The following GPHN variants were observed in gnomAD, a reference collection of about 807,000 sequenced individuals.
GPHN encodes gephyrin.
GPHN carries 17 observed loss-of-function variants against 95.5 expected under a neutral mutation model. The observed-to-expected ratio is 0.18, with a 90% CI of 0.12 to 0.27. The LOEUF is 0.27. Ranked by LOEUF, GPHN falls within the 10% of genes least tolerant of loss-of-function variation. GPHN has a pLI of 1.00. For missense variants in GPHN, 660 were observed against 978.1 expected, an observed-to-expected ratio of 0.67 and a Z score of 4.34; for synonymous variants, 320 against 322.5, an observed-to-expected ratio of 0.99 and a Z score of 0.08.
At chr14:66,706,189 A>C (rs1363613519) in intron 2 of GPHN, among the ~76,000 whole-genome samples, 1 of 152,082 alleles carries the variant, frequency 6.6e-6, no homozygotes, top group Non-Finnish European at 1.5e-5. Flanking sequence ...AAAACATTCC[A>C]TGCTCATGGA....
At chr14:67,102,605 A>C (rs2077774097) in intron 13 of GPHN, among the ~76,000 whole-genome samples, 1 of 152,140 alleles carries the variant, frequency 6.6e-6, no homozygotes, top group Non-Finnish European at 1.5e-5. Context: ...GGTTGCAGTG[A>C]GCCGAAATCT....
intron 2 of GPHN, among the ~76,000 whole-genome samples, chr14:66,707,381 C>T (rs1307450642): frequency 6.6e-6 from 1 of 152,170 alleles, no homozygotes; most frequent in Admixed American, 6.5e-5. Flanking sequence ...TATTGCAGCA[C>T]TCTTGACAAT....
At chr14:67,391,825 A>G in the GPHN span, among the ~76,000 whole-genome samples, 1 of 152,320 alleles carries the variant, frequency 6.6e-6, no homozygotes, top group East Asian at 1.9e-4. Flanking sequence ...GGCCATGGCC[A>G]GGCTTTGAAT....
chr14:66,737,942 G>T (rs749298714), intron 2 of GPHN, among the ~76,000 whole-genome samples: 2 of 152,192 alleles, frequency 1.3e-5, no homozygotes, highest in Non-Finnish European at 2.9e-5. Context: ...ACTCAAGTTA[G>T]AGCAAGTTAC....
At chr14:67,387,225 C>G in the GPHN span, 1 of 1,144,758 alleles carries the variant, frequency 8.7e-7, no homozygotes, top group Non-Finnish European at 1.2e-6. Flanking sequence ...CAAAGCAGTA[C>G]AAAACTTACA....
intron 3 of GPHN, among the ~76,000 whole-genome samples, chr14:66,806,281 T>G (rs2060538673): frequency 6.6e-6 from 1 of 152,146 alleles, no homozygotes; most frequent in Non-Finnish European, 1.5e-5. Context: ...TCCCGGCCCA[T>G]AAAACCACTT....
the GPHN span, chr14:67,575,373 G>A: frequency 2.0e-6 from 3 of 1,532,044 alleles, no homozygotes; most frequent in Non-Finnish European, 1.8e-6. Context: ...CATAATGCCA[G>A]TTCATTTCTG....
At position 67,128,260 on chromosome 14, in the gene GPHN, C is replaced by CT. The variant is rs763164125; in HGVS notation, c.1748+5897dup. Among the ~76,000 whole-genome samples, 1,128 of 144,628 alleles carry CT rather than the reference C, an allele frequency of 7.8e-3. 11 individuals are homozygous for CT. The highest frequency in any genetic ancestry group is 0.022 in the African/African-American group (862 of 39,736). 94.9% of individuals were successfully genotyped at this position (144,628 alleles called of 152,430 possible). On this transcript the variant is annotated intron_variant, in intron 17 of 22. Coordinates refer to ENST00000478722, the MANE Select transcript of GPHN (RefSeq NM_020806.5). Reference sequence around the variant, plus strand: ...ACTTTTAAGCACAACCCTATTTCTACTTTTTTTTTTTTTTGAGACGGAGTC... The same window carrying CT: ...ACTTTTAAGCACAACCCTATTTCTACTTTTTTTTTTTTTTTGAGACGGAGTC...
chr14:66,786,805 G>A (rs949947019), intron 3 of GPHN, among the ~76,000 whole-genome samples: 1 of 151,980 alleles, frequency 6.6e-6, no homozygotes. Context: ...TGCAAAAATA[G>A]CATCTGACAA....
intron 1 of GPHN, among the ~76,000 whole-genome samples, chr14:66,578,348 T>C (rs886134277): frequency 2.0e-5 from 3 of 151,692 alleles, no homozygotes; most frequent in Non-Finnish European, 4.4e-5. Flanking sequence ...AATCTTTGCA[T>C]TATAGGAGTT....
At chr14:67,713,241 AAAACAAAC>A in the GPHN span, among the ~76,000 whole-genome samples, 18 of 150,988 alleles carry the variant, frequency 1.2e-4, no homozygotes, top group South Asian at 2.1e-3. Context: ...AGAAGCAGGA[AAAACAAAC>A]AAACAAACAA....
chr14:67,092,287 C>T (rs922691903), intron 12 of GPHN, among the ~76,000 whole-genome samples: 12 of 151,996 alleles, frequency 7.9e-5, no homozygotes, highest in Admixed American at 2.6e-4. Flanking sequence ...AATACCACCC[C>T]CAGGCAGTGT....
the GPHN span, among the ~76,000 whole-genome samples, chr14:67,419,494 C>G: frequency 6.6e-6 from 1 of 152,196 alleles, no homozygotes; most frequent in Non-Finnish European, 1.5e-5. Flanking sequence ...GTGCAGTCTG[C>G]GTTCAACTAC....
chr14:67,425,279 A>G, the GPHN span, among the ~76,000 whole-genome samples: 1 of 152,184 alleles, frequency 6.6e-6, no homozygotes, highest in Non-Finnish European at 1.5e-5. Context: ...GGCCAGGTAC[A>G]GTGGCTCATG....
At chr14:67,578,330 G>C in the GPHN span, 4 of 820,504 alleles carry the variant, frequency 4.9e-6, no homozygotes, top group East Asian at 1.0e-4. This position sits in a 1 kb window ranked among gnomAD's most constrained non-coding sequence, Gnocchi z 5.0. Flanking sequence ...GCTCCAAGCT[G>C]CATCAGTACG....
intron 8 of GPHN, among the ~76,000 whole-genome samples, chr14:66,949,922 T>G (rs1483456335): frequency 6.6e-6 from 1 of 151,446 alleles, no homozygotes; most frequent in East Asian, 1.9e-4. Context: ...GTATTCTGAT[T>G]TTTATAATGT....
At chr14:67,455,336 C>A in the GPHN span, among the ~76,000 whole-genome samples, 1 of 152,154 alleles carries the variant, frequency 6.6e-6, no homozygotes, top group Non-Finnish European at 1.5e-5. Context: ...CCTGTGCCAT[C>A]CCCTCTGTCT....
At chr14:67,292,814 T>C in the GPHN span, 2 of 925,280 alleles carry the variant, frequency 2.2e-6, no homozygotes, top group Non-Finnish European at 3.3e-6. Flanking sequence ...CTATAAGATT[T>C]GTTTGAATTA....
chr14:67,577,440 A>T, the GPHN span: 3 of 1,386,508 alleles, frequency 2.2e-6, no homozygotes, highest in Non-Finnish European at 3.0e-6. Context: ...GGCCAGGCCC[A>T]CCGCTGGGAT....
Sources: allele counts gnomAD v4.1 joint callset (sites outside exome capture counted in the v4.1 genomes callset), GRCh38; gene constraint gnomAD v4.1.1; non-coding constraint Gnocchi (gnomAD v3.1); transcripts MANE v1.5; gene names NCBI Gene and HGNC (gene_info 2026-07-23, HGNC 2026-07-21).